ADSL: variants seen among roughly 807,000 people sequenced by gnomAD.
ADSL encodes adenylosuccinase.
ADSL carries 44 observed loss-of-function variants against 62.1 expected under a neutral mutation model. The observed-to-expected ratio is 0.71, with a 90% CI of 0.56 to 0.91. The LOEUF is 0.91. Among genes scored for constraint, ADSL ranks in the 40% least tolerant of loss-of-function variants. The probability of loss-of-function intolerance (pLI) is 0.00; values close to 1 mark genes in which losing one functional copy is unlikely to be tolerated. For missense variants in ADSL, 531 were observed against 627.4 expected, an observed-to-expected ratio of 0.85 and a Z score of 1.64; for synonymous variants, 198 against 220.5, an observed-to-expected ratio of 0.90 and a Z score of 0.90.
rs531623789 is a variant in ADSL at position 40,364,267 on chromosome 22, T to C, written c.1102-9T>C. 3 of 1,613,426 alleles carry C rather than the reference T, an allele frequency of 1.9e-6. No individual in the cohort carries two copies. In the African/African-American group the frequency reaches 4.0e-5, roughly 21 times the overall value. ...CTTTCTTGGTCATTCACCGTATCTT[T>C]TCCTATAGGTAATTGAACGGCGCAT... On this transcript the variant is annotated splice_polypyrimidine_tract_variant and intron_variant, in intron 10 of 12. Coordinates refer to ENST00000623063, the MANE Select transcript of ADSL (RefSeq NM_000026.4).
At chr22:40,375,472 C>T (rs576111552) in intron 2 of ADSL, among the ~76,000 whole-genome samples, 2 of 151,556 alleles carry the variant, frequency 1.3e-5, no homozygotes, top group African/African-American at 2.4e-5. Context: ...CCCAGCTATT[C>T]GGGAGGCTGA....
At chr22:40,374,758 T>C (rs2046271148) in intron 2 of ADSL, among the ~76,000 whole-genome samples, 1 of 152,218 alleles carries the variant, frequency 6.6e-6, no homozygotes, top group African/African-American at 2.4e-5. Context: ...TGTGCGCCTG[T>C]GGTCCCAGCT....
chr22:40,377,465 A>G (rs1172899297), intron 2 of ADSL, among the ~76,000 whole-genome samples: 1 of 152,170 alleles, frequency 6.6e-6, no homozygotes, highest in African/African-American at 2.4e-5. Context: ...TCATAACTTA[A>G]GTTACCCAAA....
At chr22:40,374,708 G>A (rs966042577) in intron 2 of ADSL, among the ~76,000 whole-genome samples, 1 of 152,186 alleles carries the variant, frequency 6.6e-6, no homozygotes, top group Non-Finnish European at 1.5e-5. Flanking sequence ...ATGGCGAAAT[G>A]CCATCTCGAC....
rs2045021446 is a variant in ADSL at position 40,366,791 on chromosome 22, A to G, written c.*269A>G. 2 of 417,794 alleles carry G rather than the reference A, an allele frequency of 4.8e-6. No homozygotes were observed. The highest frequency in any genetic ancestry group is 3.8e-5 in the Admixed American group (1 of 26,584). The allele number at this position is 417,794 out of a possible 1,614,324, so 25.9% of individuals were successfully genotyped here. On this transcript the variant is annotated 3_prime_UTR_variant, in exon 13 of 13. Coordinates refer to ENST00000623063, the MANE Select transcript of ADSL (RefSeq NM_000026.4). ...CATATTTTCCAGCTGCCTCAAGTTT[A>G]GTCCTTTTCACGTGTTCATTTGCTT...
At chr22:40,358,483 C>T (rs567914249) in intron 4 of ADSL, among the ~76,000 whole-genome samples, 2 of 152,246 alleles carry the variant, frequency 1.3e-5, no homozygotes, top group South Asian at 2.1e-4. Flanking sequence ...ACATGGAAGG[C>T]TGAGGCAGAA....
intron 4 of ADSL, among the ~76,000 whole-genome samples, chr22:40,357,833 A>G (rs2044623637): frequency 6.6e-6 from 1 of 151,950 alleles, no homozygotes; most frequent in Non-Finnish European, 1.5e-5. Context: ...GTGCGGTGTC[A>G]CAGTCTCGGC....
In ADSL at chr22:40,346,718, G is replaced by A. The variant is rs376477242; in HGVS notation, c.153+7G>A. ...GCTGGCGGAGGCCGAGCAGGTAACG[G>A]ATCCCGGGCTGAGGGGCTGGGCCGG... is the stretch of plus-strand genomic sequence containing the variant. On this transcript the variant is annotated splice_region_variant and intron_variant, in intron 1 of 12. Coordinates refer to ENST00000623063, the MANE Select transcript of ADSL (RefSeq NM_000026.4). The A allele has an allele frequency of 3.7e-6, 6 of 1,600,546 alleles. No homozygotes were observed. In the African/African-American group the frequency reaches 8.0e-5, roughly 21 times the overall value.
chr22:40,348,768 C>CT (rs1420722345), intron 1 of ADSL: 3 of 394,426 alleles, frequency 7.6e-6, no homozygotes, highest in African/African-American at 6.2e-5. Context: ...TAAAAAAGAT[C>CT]TAAGATGCAA....
chr22:40,353,688 C>T (rs965089931), intron 3 of ADSL: 28 of 292,152 alleles, frequency 9.6e-5, no homozygotes, highest in African/African-American at 2.0e-4. Context: ...TGCAGTGGCA[C>T]AGTCTCAGCT....
At chr22:40,346,739 G>T (rs1344404357) in intron 1 of ADSL, 28 bp downstream of exon 1, 10 of 1,581,078 alleles carry the variant, frequency 6.3e-6, no homozygotes, top group Non-Finnish European at 7.7e-6. Context: ...GAGGGGCTGG[G>T]CCGGGAGGGA....
chr22:40,350,493 C>A (rs1271478097), intron 2 of ADSL, among the ~76,000 whole-genome samples: 1 of 152,098 alleles, frequency 6.6e-6, no homozygotes, highest in Non-Finnish European at 1.5e-5. Flanking sequence ...TAGTGTGCTT[C>A]CAATCTAAAC....
chr22:40,382,520 A>G (rs1025661960), intron 2 of ADSL, among the ~76,000 whole-genome samples: 1 of 152,164 alleles, frequency 6.6e-6, no homozygotes, highest in Admixed American at 6.5e-5. Flanking sequence ...ACCTCACAGC[A>G]TGGCAGGTGT....
At chr22:40,371,099 C>T (rs749754817), downstream of ADSL, among the ~76,000 whole-genome samples, 1 of 152,216 alleles carries the variant, frequency 6.6e-6, no homozygotes, top group Non-Finnish European at 1.5e-5. Flanking sequence ...TCAGGTTTAA[C>T]TTGCGGTTTT....
intron 2 of ADSL, among the ~76,000 whole-genome samples, chr22:40,384,476 A>G (rs966317543): frequency 1.3e-5 from 2 of 152,214 alleles, no homozygotes; most frequent in Non-Finnish European, 2.9e-5. Flanking sequence ...AAATTAAAAA[A>G]AAATTAAAAA....
intron 2 of ADSL, among the ~76,000 whole-genome samples, chr22:40,352,352 C>T (rs2044379014): frequency 6.6e-6 from 1 of 151,948 alleles, no homozygotes; most frequent in African/African-American, 2.4e-5. Context: ...ACAGGTGAAA[C>T]CCTGTCTCTA....
At chr22:40,354,537 GA>G (rs2044475889) in intron 4 of ADSL, among the ~76,000 whole-genome samples, 1 of 152,096 alleles carries the variant, frequency 6.6e-6, no homozygotes. Flanking sequence ...TACATATCAA[GA>G]GCCTTGAAAA....
chr22:40,375,032 GCTTA>G (rs2046318867), intron 2 of ADSL, among the ~76,000 whole-genome samples: 1 of 152,078 alleles, frequency 6.6e-6, no homozygotes, highest in African/African-American at 2.4e-5. Context: ...GAAAATTTAG[GCTTA>G]CTAATTTATG....
At chr22:40,359,141 T>A in intron 5 of ADSL, 106 bp downstream of exon 5, 1 of 1,585,084 alleles carries the variant, frequency 6.3e-7, no homozygotes, top group South Asian at 1.1e-5. Flanking sequence ...ATGGGTGGGG[T>A]CTTTCGACTA....
Sources: allele counts gnomAD v4.1 joint callset (sites outside exome capture counted in the v4.1 genomes callset), GRCh38; gene constraint gnomAD v4.1.1; transcripts MANE v1.5; gene names NCBI Gene and HGNC (gene_info 2026-07-23, HGNC 2026-07-21).